BIRC6: variants seen among roughly 807,000 people sequenced by gnomAD.
The protein encoded by BIRC6 is baculoviral IAP repeat containing 6, also known as dual E2 ubiquitin-conjugating enzyme/E3 ubiquitin-protein ligase BIRC6.
BIRC6 carries 98 observed loss-of-function variants against 503.3 expected under a neutral mutation model. The ratio of observed to expected loss-of-function variants is 0.19; its 90% CI spans 0.17 to 0.23. The LOEUF is 0.23. Ranked by LOEUF, BIRC6 falls within the 10% of genes least tolerant of loss-of-function variation. The probability of loss-of-function intolerance (pLI) is 1.00; values close to 1 mark genes in which losing one functional copy is unlikely to be tolerated. For synonymous variants in BIRC6, 2,240 were observed against 2,078.7 expected (o/e 1.08, Z -2.11); for missense variants, 5,360 against 5,806.0 (o/e 0.92, Z 2.50).
chr2:32,492,182 T>A (rs902534033), intron 44 of BIRC6, among the ~76,000 whole-genome samples: 1 of 152,118 alleles, frequency 6.6e-6, no homozygotes, highest in African/African-American at 2.4e-5. Context: ...TTTAAACTTC[T>A]TGGATTTGCC....
chr2:32,569,401 C>T (rs2059769982), intron 65 of BIRC6, among the ~76,000 whole-genome samples: 1 of 152,052 alleles, frequency 6.6e-6, no homozygotes, highest in South Asian at 2.1e-4. Context: ...CAGGGTCTTG[C>T]TCCGTCGCCC....
chr2:32,515,428 C>G lies in BIRC6; in HGVS notation c.11007C>G (p.Val3669=). The change falls in exon 55 of 74, where the codon GTC becomes GTG. Residue 3669 remains valine, a synonymous_variant. Transcript: ENST00000421745. ...ISQDKLRRHH[V]PQQCNKMPIT... is the part of the protein sequence containing the mutation. The stretch of plus-strand genomic sequence containing the variant: ...AGGACAAACTCAGGCGCCATCATGT[C>G]CCACAACAATGTAATAAGATGCCTA... The G allele has an allele frequency of 6.2e-7, 1 of 1,613,024 alleles. No individual in the cohort carries two copies. The highest frequency in any genetic ancestry group is 2.2e-5 in the East Asian group (1 of 44,862).
chr2:32,469,127 C>T (rs1447466434), intron 29 of BIRC6, among the ~76,000 whole-genome samples: 1 of 152,164 alleles, frequency 6.6e-6, no homozygotes, highest in East Asian at 1.9e-4. Flanking sequence ...TATTTTTGAT[C>T]ATTACACGAG....
At chr2:32,537,013 C>T (rs1245703583) in intron 61 of BIRC6, among the ~76,000 whole-genome samples, 1 of 152,134 alleles carries the variant, frequency 6.6e-6, no homozygotes, top group Admixed American at 6.6e-5. Flanking sequence ...ATTTTATTCT[C>T]TTTGAAGCAA....
At chr2:32,533,961 GCCTTTGTCTGGTTTTGGTGTCAGGATA>G (rs764246875) in intron 61 of BIRC6, among the ~76,000 whole-genome samples, 4 of 152,186 alleles carry the variant, frequency 2.6e-5, no homozygotes, top group Non-Finnish European at 4.4e-5. Flanking sequence ...TAGTTGTAAT[GCCTTTGTCTGGTTTTGGTGTCAGGATA>G]CTACTAGCTA....
intron 10 of BIRC6, among the ~76,000 whole-genome samples, chr2:32,427,253 AG>A (rs2043610410): frequency 6.6e-6 from 1 of 151,780 alleles, no homozygotes; most frequent in South Asian, 2.1e-4. Context: ...TCTGTCCTGT[AG>A]GTCTCCAAGC....
At chr2:32,545,008 G>A (rs890588427) in intron 62 of BIRC6, among the ~76,000 whole-genome samples, 1 of 151,800 alleles carries the variant, frequency 6.6e-6, no homozygotes, top group African/African-American at 2.4e-5. Flanking sequence ...TTTCAACACT[G>A]TTACCACAGA....
intron 65 of BIRC6, among the ~76,000 whole-genome samples, chr2:32,562,460 A>G (rs2059261803): frequency 6.6e-6 from 1 of 152,198 alleles, no homozygotes; most frequent in Admixed American, 6.5e-5. Flanking sequence ...TTTTAACTAA[A>G]TTTATAGTTG....
chr2:32,473,031 GT>G, intron 32 of BIRC6, 80 bp from the exon 33 acceptor site: 2 of 1,254,332 alleles, frequency 1.6e-6, no homozygotes, highest in African/African-American at 1.5e-5. Context: ...GTATAACTGT[GT>G]TTTTTGTTTT....
chr2:32,495,266 G>T (rs535109296), intron 45 of BIRC6, among the ~76,000 whole-genome samples: 1 of 152,274 alleles, frequency 6.6e-6, no homozygotes, highest in East Asian at 1.9e-4. Context: ...GAGATATTTT[G>T]AGGTTTATAC....
chr2:32,375,153 G>A (rs905272965), intron 1 of BIRC6, among the ~76,000 whole-genome samples: 25 of 152,016 alleles, frequency 1.6e-4, no homozygotes, highest in African/African-American at 5.1e-4. Context: ...ATCAGTGCTC[G>A]TATAGAAAAG....
intron 57 of BIRC6, chr2:32,519,273 G>C (rs1380733176): frequency 4.5e-6 from 1 of 220,742 alleles, no homozygotes; most frequent in African/African-American, 2.3e-5. Flanking sequence ...TGGTTGAATA[G>C]CAAGATTCTA....
Position 32,543,458 on chromosome 2 carries a change from A to C in BIRC6, c.12509A>C (p.Tyr4170Ser). 6.2e-7 allele frequency: 1 copy of C among 1,614,038 alleles called. No homozygotes were observed. Among genetic ancestry groups the C allele is most frequent in the Non-Finnish European group, 8.5e-7 (1 of 1,179,888 alleles). ...AFGLFLRLPG[Y>S]AEVLLKERKH... is the part of the protein sequence containing the mutation. ...GGATTATTTCTTCGTCTTCCGGGCT[A>C]TGCGGAAGTGCTACTGAAAGAGAGA... The change falls in exon 62 of 74, where the codon TAT (tyrosine) becomes TCT (serine). Residue 4170 changes from tyrosine to serine, a missense_variant. Tyr to Ser is a moderately radical substitution (Grantham distance 144, BLOSUM62 -2). This residue lies in a region of BIRC6 where 477 missense variants were observed against 574.4 expected (regional missense o/e 0.83). Transcript: ENST00000421745.
chr2:32,428,724 T>TA (rs1470685553), intron 10 of BIRC6, among the ~76,000 whole-genome samples: 1 of 152,196 alleles, frequency 6.6e-6, no homozygotes, highest in African/African-American at 2.4e-5. Flanking sequence ...GTGAATGCTT[T>TA]AAAAAATAAG....
At chr2:32,602,361 C>T (rs1037249155) in intron 70 of BIRC6, 1 of 152,086 alleles carries the variant, frequency 6.6e-6, no homozygotes, top group Non-Finnish European at 1.5e-5. Flanking sequence ...CATGTTCTCA[C>T]TCACGTAGAA....
Position 32,443,639 on chromosome 2 carries a change from CAT to C in BIRC6, c.4336+54_4336+55del. The C allele has an allele frequency of 5.5e-6, 7 of 1,281,914 alleles. No individual in the cohort carries two copies. In the South Asian group the frequency reaches 6.7e-5, roughly 12 times the overall value. 79.4% of individuals were successfully genotyped at this position (1,281,914 alleles called of 1,614,324 possible). A position where few individuals can be genotyped will look rare whatever the true frequency, so the allele number is the denominator to read the frequency against. On this transcript the variant is annotated intron_variant, in intron 20 of 73. Coordinates refer to ENST00000421745, the MANE Select transcript of BIRC6 (RefSeq NM_016252.4). ...ATAGTTATAGTCATATGGAACATCT[CAT>C]ATGTATACTTAGGATTATTTCATAA...
rs1482207146 is a variant in BIRC6, at chr2:32,387,772, A to G, written c.646-978A>G. ...GTATTTGAGTGCCTACTCTGTGCTT[A>G]ACATTGTACTGGATGAATAGGAAAA... is the stretch of plus-strand genomic sequence containing the variant. On this transcript the variant is annotated intron_variant, in intron 3 of 73. Transcript: ENST00000421745. 3.9e-5 allele frequency among the ~76,000 whole-genome samples: 6 copies of G among 152,316 alleles called. No individual in the cohort carries two copies. The East Asian group carries it at 1.2e-3, about 29-fold the overall frequency.
intron 21 of BIRC6, among the ~76,000 whole-genome samples, chr2:32,446,402 A>C (rs1371683920): frequency 6.6e-6 from 1 of 152,196 alleles, no homozygotes; most frequent in East Asian, 1.9e-4. Context: ...GGTTAGATTT[A>C]AGTTCTTGCC....
rs778644059 is a variant in BIRC6, at chr2:32,357,114, C to T, written c.-48C>T. ...TCGACGTTCCGCGTGCGTGCGGGCGCCTGACTTCACTTCCGGCTAACGCGC... is the reference window on the plus strand; with the variant it reads ...TCGACGTTCCGCGTGCGTGCGGGCGTCTGACTTCACTTCCGGCTAACGCGC... On this transcript the variant is annotated 5_prime_UTR_variant, in exon 1 of 74. Coordinates refer to ENST00000421745, the MANE Select transcript of BIRC6 (RefSeq NM_016252.4). This position sits in a 1 kb window ranked among gnomAD's most constrained non-coding sequence, Gnocchi z 4.9. The T allele has an allele frequency of 1.4e-6, 2 of 1,419,612 alleles. No homozygotes were observed. Among genetic ancestry groups the T allele is most frequent in the Non-Finnish European group, 1.8e-6 (2 of 1,093,236 alleles). 87.9% of individuals were successfully genotyped at this position (1,419,612 alleles called of 1,614,324 possible).
Sources: gnomAD v4.1 joint callset for allele counts (sites outside exome capture counted in the v4.1 genomes callset) on GRCh38, gnomAD v4.1.1 for gene constraint, gnomAD v4.1.1 regional missense constraint, Gnocchi (gnomAD v3.1) non-coding constraint, MANE v1.5 for transcripts, NCBI Gene and HGNC (gene_info 2026-07-23, HGNC 2026-07-21) for gene names.